The following PDS5A variants were observed in gnomAD, a reference collection of about 807,000 sequenced individuals.
PDS5A encodes the protein PDS5 cohesin associated factor A.
A neutral mutation model predicts 167.1 loss-of-function variants in PDS5A; 42 were observed. The ratio of observed to expected loss-of-function variants is 0.25; its 90% CI spans 0.20 to 0.33. PDS5A has a LOEUF of 0.33. Ranked by LOEUF, PDS5A falls within the 10% of genes least tolerant of loss-of-function variation. The pLI, the probability that PDS5A is intolerant of heterozygous loss-of-function variation, is 1.00. For synonymous variants in PDS5A, 553 were observed against 554.6 expected, an observed-to-expected ratio of 1.00 and a Z score of 0.04; for missense variants, 1,033 against 1,605.9, an observed-to-expected ratio of 0.64 and a Z score of 6.10.
At chr4:39,959,944 T>C (rs548706914) in intron 2 of PDS5A, among the ~76,000 whole-genome samples, 1 of 151,918 alleles carries the variant, frequency 6.6e-6, no homozygotes, top group African/African-American at 2.4e-5. Context: ...ATACAAAAAT[T>C]AGGTGGGCAT....
At chr4:39,914,653 T>C (rs1217381739) in intron 8 of PDS5A, among the ~76,000 whole-genome samples, 1 of 152,248 alleles carries the variant, frequency 6.6e-6, no homozygotes, top group Non-Finnish European at 1.5e-5. Flanking sequence ...TGAAACAGTA[T>C]ATGCGATAAA....
intron 17 of PDS5A, among the ~76,000 whole-genome samples, chr4:39,888,339 G>C (rs1484775942): frequency 1.3e-5 from 2 of 151,064 alleles, no homozygotes; most frequent in African/African-American, 2.4e-5. Context: ...CTCATACACT[G>C]TTGTTGGAAA....
chr4:39,976,284 T>C, intron 2 of PDS5A, 156 bp downstream of exon 2: 2 of 545,676 alleles, frequency 3.7e-6, no homozygotes, highest in Non-Finnish European at 6.5e-6. Flanking sequence ...CCTACAAAAC[T>C]CACTCAAAGA....
intron 3 of PDS5A, 61 bp downstream of exon 3, chr4:39,927,900 A>C: frequency 1.8e-6 from 2 of 1,131,570 alleles, no homozygotes; most frequent in South Asian, 2.8e-5. Context: ...TAAAAATAAA[A>C]GTATACCTTC....
intron 32 of PDS5A, among the ~76,000 whole-genome samples, chr4:39,829,970 A>AAAAAAAAAAAAAAAAAAAAAAAAAAAAAT (rs1715696981): frequency 7.8e-6 from 1 of 128,074 alleles, no homozygotes; most frequent in African/African-American, 2.6e-5. Flanking sequence ...AAAAAAAAAA[A>AAAAAAAAAAAAAAAAAAAAAAAAAAAAAT]AAAAAAAAAA....
At chr4:39,867,722 A>T (rs1003843037) in intron 22 of PDS5A, among the ~76,000 whole-genome samples, 3 of 121,388 alleles carry the variant, frequency 2.5e-5, no homozygotes, top group African/African-American at 9.9e-5. Context: ...TCTGTTTCAT[A>T]AAAAAACCAA....
At chr4:39,859,228 A>G (rs892724002) in intron 26 of PDS5A, among the ~76,000 whole-genome samples, 2 of 152,184 alleles carry the variant, frequency 1.3e-5, no homozygotes, top group Admixed American at 6.5e-5. Flanking sequence ...TTCTGACACA[A>G]TAACTTACTA....
intron 2 of PDS5A, among the ~76,000 whole-genome samples, chr4:39,964,207 C>G (rs548750545): frequency 6.6e-6 from 1 of 152,098 alleles, no homozygotes; most frequent in South Asian, 2.1e-4. Context: ...TACAAATAAC[C>G]TTATGGATGT....
In PDS5A at chr4:39,834,922, C is replaced by G. The variant is rs568972627; in HGVS notation, c.4010+2934G>C. Among the ~76,000 whole-genome samples the G allele has an allele frequency of 7.2e-5, 11 of 152,330 alleles. No homozygotes were observed. The South Asian group carries it at 2.3e-3, about 32-fold the overall frequency. On this transcript the variant is annotated intron_variant, in intron 32 of 32. Coordinates refer to ENST00000303538, the MANE Select transcript of PDS5A (RefSeq NM_001100399.2). The stretch of plus-strand genomic sequence containing the variant: ...GGCTCAAGCAATCCTCCCACCTCAG[C>G]TCCCTGAGTACAGGCACACAACATC...
Position 39,837,943 on chromosome 4 carries a change from C to G in PDS5A, c.3923G>C (p.Gly1308Ala), listed in dbSNP as rs1560414971. 1 of 1,613,992 alleles carries G rather than the reference C, an allele frequency of 6.2e-7. No homozygotes were observed. The highest frequency in any genetic ancestry group is 1.1e-5 in the South Asian group (1 of 91,084). The part of the protein sequence containing the change: ...RAAVGQESPG[G>A]LEAGNAKAPK... Reference sequence around the variant, plus strand: ...TGCTTTGGCATTACCTGCTTCCAAACCCCCAGGGCTCTCCTGACCCACTGC... The same window carrying G: ...TGCTTTGGCATTACCTGCTTCCAAAGCCCCAGGGCTCTCCTGACCCACTGC... The change falls in exon 32 of 33, where the codon GGT (glycine) becomes GCT (alanine). Residue 1308 changes from glycine (G) to alanine (A), a missense_variant. Around this residue, in one of 4 missense-constraint regions of PDS5A, gnomAD observed 233 missense variants for 264.0 expected, o/e 0.88. Transcript: ENST00000303538.
chr4:39,916,711 G>A (rs902315928), intron 8 of PDS5A, among the ~76,000 whole-genome samples: 4 of 151,854 alleles, frequency 2.6e-5, no homozygotes, highest in Non-Finnish European at 5.9e-5. Flanking sequence ...ACTAAAAATA[G>A]AAAAATTATA....
chr4:39,963,316 G>A (rs545711713), intron 2 of PDS5A, among the ~76,000 whole-genome samples: 8 of 151,974 alleles, frequency 5.3e-5, no homozygotes, highest in South Asian at 4.2e-4. Context: ...AAATTTAGCC[G>A]GGCATGGTGG....
rs140437340 is a variant in PDS5A at position 39,858,960 on chromosome 4, A to C, written c.3086+3259T>G. On this transcript the variant is annotated intron_variant, in intron 26 of 32. Coordinates refer to ENST00000303538, the MANE Select transcript of PDS5A (RefSeq NM_001100399.2). ...AAAGTACTGTATAGGCAACAAAAGAAAAAATACACTGGGCTTCATTAAAGT... is the reference window on the plus strand; with the variant it reads ...AAAGTACTGTATAGGCAACAAAAGACAAAATACACTGGGCTTCATTAAAGT... Among the ~76,000 whole-genome samples, 641 of 152,316 alleles carry C rather than the reference A, an allele frequency of 4.2e-3. 12 individuals are homozygous for C. The highest frequency in any genetic ancestry group is 0.031 in the East Asian group (161 of 5,188).
At chr4:39,962,596 G>A (rs1357846697) in intron 2 of PDS5A, among the ~76,000 whole-genome samples, 3 of 151,028 alleles carry the variant, frequency 2.0e-5, no homozygotes, top group African/African-American at 7.3e-5. Context: ...ACAAGGTCAG[G>A]AGGTTGAGAC....
chr4:39,833,971 G>A (rs185676928), intron 32 of PDS5A, among the ~76,000 whole-genome samples: 4 of 152,252 alleles, frequency 2.6e-5, no homozygotes, highest in Non-Finnish European at 5.9e-5. Flanking sequence ...AGACAAGTAC[G>A]ATCAAGATCC....
intron 23 of PDS5A, among the ~76,000 whole-genome samples, chr4:39,866,360 G>A (rs567970570): frequency 2.8e-4 from 43 of 152,188 alleles, no homozygotes; most frequent in Non-Finnish European, 6.0e-4. Context: ...CTCGTGATCT[G>A]CCCGTCTCGG....
intron 2 of PDS5A, among the ~76,000 whole-genome samples, chr4:39,975,746 G>A (rs903748629): frequency 6.6e-6 from 1 of 152,074 alleles, no homozygotes; most frequent in Non-Finnish European, 1.5e-5. Context: ...GCTTCAAGCT[G>A]TTCCTACAAG....
chr4:39,874,360 C>A lies in PDS5A; in HGVS notation c.2206G>T (p.Ala736Ser). The A allele has an allele frequency of 6.2e-7, 1 of 1,612,872 alleles. No homozygotes were observed. The highest frequency in any genetic ancestry group is 8.5e-7 in the Non-Finnish European group (1 of 1,178,966). ...QKAKRGTPHQ[A>S]KQAVHCIHAI... ...TGTATACAGTGCACAGCCTGTTTTG[C>A]TTGGTGTGGAGTACCCCTCTTTGCT... is the stretch of plus-strand genomic sequence containing the variant. Residue 736 changes from alanine to serine, a missense_variant, in exon 20 of 33, where the codon GCA (alanine) becomes TCA (serine). Physicochemically the swap from Ala to Ser is moderately conservative, Grantham distance 99. Coordinates refer to ENST00000303538, the MANE Select transcript of PDS5A (RefSeq NM_001100399.2).
rs553311650 is a variant in PDS5A at position 39,862,939 on chromosome 4, G to A, written c.2901C>T (p.His967=). ...AKDPVKERRA[H]ARQCLLKNIS... ...TATTTTTCAGTAAACATTGTCGTGC[G>A]TGTGCTCTTCTCTCCTTCACAGGAT... is the stretch of plus-strand genomic sequence containing the variant. The change falls in exon 25 of 33, where the codon CAC becomes CAT. Residue 967 remains histidine, a synonymous_variant. Coordinates refer to ENST00000303538, the MANE Select transcript of PDS5A (RefSeq NM_001100399.2). 1.6e-5 allele frequency: 26 copies of A among 1,613,098 alleles called. No individual in the cohort carries two copies. The highest frequency in any genetic ancestry group is 3.3e-5 in the South Asian group (3 of 91,082).
Sources: gnomAD v4.1 joint callset for allele counts (sites outside exome capture counted in the v4.1 genomes callset) on GRCh38, gnomAD v4.1.1 for gene constraint, gnomAD v4.1.1 regional missense constraint, MANE v1.5 for transcripts, NCBI Gene and HGNC (gene_info 2026-07-23, HGNC 2026-07-21) for gene names.